ANKS6: variants seen among roughly 807,000 people sequenced by gnomAD.
ANKS6 encodes the protein ankyrin repeat and sterile alpha motif domain containing 6.
In ANKS6, 47 loss-of-function variants were observed where a neutral mutation model predicts 77.9. The ratio of observed to expected loss-of-function variants is 0.60; its 90% CI spans 0.48 to 0.77. ANKS6 has a LOEUF of 0.77. Among genes scored for constraint, ANKS6 ranks in the 30% least tolerant of loss-of-function variants. The pLI is 0.00. For missense variants in ANKS6, 1,150 were observed against 1,159.1 expected (o/e 0.99, Z 0.11); for synonymous variants, 488 against 501.7 (o/e 0.97, Z 0.37).
rs1330436258 is a variant in ANKS6 at position 98,734,419 on chromosome 9, G to T, written c.*2100C>A. On this transcript the variant is annotated 3_prime_UTR_variant, in exon 15 of 15. Coordinates refer to ENST00000353234, the MANE Select transcript of ANKS6 (RefSeq NM_173551.5). ...CCAGTATATTGTTATGAAAAAAACA[G>T]GACCACAGCAAAAAGCAGGCACAAA... is the stretch of plus-strand genomic sequence containing the variant. 2.0e-6 allele frequency: 2 copies of T among 985,302 alleles called. No individual in the cohort carries two copies. The highest frequency in any genetic ancestry group is 1.2e-6 in the Non-Finnish European group (1 of 829,974). 61.0% of individuals were successfully genotyped at this position (985,302 alleles called of 1,614,324 possible).
At chr9:98,782,883 G>A (rs1286660323) in intron 4 of ANKS6, among the ~76,000 whole-genome samples, 1 of 152,078 alleles carries the variant, frequency 6.6e-6, no homozygotes, top group Non-Finnish European at 1.5e-5. Context: ...AGGAATTTGA[G>A]ACCAGCCTGG....
At chr9:98,753,555 A>G (rs1832540062) in intron 12 of ANKS6, among the ~76,000 whole-genome samples, 1 of 151,818 alleles carries the variant, frequency 6.6e-6, no homozygotes, top group Non-Finnish European at 1.5e-5. Flanking sequence ...AGGGAGGTTG[A>G]GGCTGCAGTG....
intron 11 of ANKS6, among the ~76,000 whole-genome samples, chr9:98,758,793 G>A (rs527475109): frequency 6.6e-6 from 1 of 152,188 alleles, no homozygotes; most frequent in South Asian, 2.1e-4. Flanking sequence ...TGGTATATAT[G>A]TTAAGTGTAC....
At chr9:98,775,684 T>C (rs1833884950) in intron 8 of ANKS6, among the ~76,000 whole-genome samples, 1 of 152,180 alleles carries the variant, frequency 6.6e-6, no homozygotes, top group African/African-American at 2.4e-5. Flanking sequence ...TTACAAAAAA[T>C]ACTCAAAAGA....
intron 11 of ANKS6, 63 bp downstream of exon 11, chr9:98,768,018 A>T: frequency 7.2e-6 from 11 of 1,534,684 alleles, no homozygotes; most frequent in Non-Finnish European, 9.6e-6. Context: ...GCTTCCCGGC[A>T]AGTGGCCCAT....
At position 98,734,032 on chromosome 9, in the gene ANKS6, T is replaced by G; in HGVS notation, c.*2487A>C. ...GAAAAACAAGCACCCAACTGACCCC[T>G]CCTCCCTGACGATCTATAACCTACA... On this transcript the variant is annotated 3_prime_UTR_variant, in exon 15 of 15. Coordinates refer to ENST00000353234, the MANE Select transcript of ANKS6 (RefSeq NM_173551.5). The G allele has an allele frequency of 1.0e-6, 1 of 985,246 alleles. No individual in the cohort carries two copies. Among genetic ancestry groups the G allele is most frequent in the Non-Finnish European group, 1.2e-6 (1 of 829,940 alleles). 61.0% of individuals were successfully genotyped at this position (985,246 alleles called of 1,614,324 possible). A position where few individuals can be genotyped will look rare whatever the true frequency, so the allele number is the denominator to read the frequency against.
chr9:98,791,377 G>A lies in ANKS6; in HGVS notation c.360-771C>T, dbSNP rs1027053234. Among the ~76,000 whole-genome samples the A allele has an allele frequency of 4.6e-5, 7 of 152,170 alleles. No individual in the cohort carries two copies. Among genetic ancestry groups the A allele is most frequent in the African/African-American group, 1.7e-4 (7 of 41,444 alleles). ...GGAATGTTTGTTGCAGGCGGCTGAG[G>A]ACCCAGCCTAGGCCAGATCTTCCTC... On this transcript the variant is annotated intron_variant, in intron 1 of 14. Transcript: ENST00000353234. This position sits in a 1 kb window ranked among gnomAD's most constrained non-coding sequence, Gnocchi z 4.3.
At chr9:98,793,978 G>A (rs560706050) in intron 1 of ANKS6, among the ~76,000 whole-genome samples, 6 of 149,770 alleles carry the variant, frequency 4.0e-5, no homozygotes, top group South Asian at 4.2e-4. Context: ...AGTGAAACCC[G>A]GTCTCTACTA....
chr9:98,746,768 G>A (rs552483401), intron 13 of ANKS6, among the ~76,000 whole-genome samples: 2 of 152,210 alleles, frequency 1.3e-5, no homozygotes, highest in South Asian at 4.2e-4. Flanking sequence ...TTGTTAACAC[G>A]ACTTGACCTT....
intron 11 of ANKS6, among the ~76,000 whole-genome samples, chr9:98,764,309 T>C (rs546277671): frequency 1.8e-4 from 27 of 152,332 alleles, no homozygotes; most frequent in African/African-American, 6.0e-4. Flanking sequence ...TTAAACATAA[T>C]ATGGAGGGGT....
intron 9 of ANKS6, among the ~76,000 whole-genome samples, 173 bp from the exon 10 acceptor site, chr9:98,771,219 C>T (rs1171959141): frequency 5.3e-5 from 8 of 152,212 alleles, no homozygotes; most frequent in Non-Finnish European, 1.2e-4. Flanking sequence ...ATGGAGCTTG[C>T]TTCTATGTGC....
In ANKS6 at chr9:98,777,469, G is replaced by A. The variant is rs998574835; in HGVS notation, c.1568-15C>T. On this transcript the variant is annotated splice_polypyrimidine_tract_variant and intron_variant, in intron 7 of 14. Transcript: ENST00000353234. ...GCTCCCAGGACCTGAGAGACAAATGGAAATTTCCTGAAATGACCCCTCCAC... is the reference window on the plus strand; with the variant it reads ...GCTCCCAGGACCTGAGAGACAAATGAAAATTTCCTGAAATGACCCCTCCAC... The A allele has an allele frequency of 6.2e-7, 1 of 1,613,760 alleles. No individual in the cohort carries two copies. The highest frequency in any genetic ancestry group is 1.3e-5 in the African/African-American group (1 of 74,894).
intron 12 of ANKS6, 33 bp from the exon 13 acceptor site, chr9:98,751,129 C>T: frequency 1.3e-6 from 2 of 1,556,862 alleles, no homozygotes; most frequent in Non-Finnish European, 8.7e-7. Context: ...AAAAACAACA[C>T]ATTTTAGAAT....
chr9:98,768,349 TC>T, intron 10 of ANKS6, 99 bp from the exon 11 acceptor site: 1 of 1,410,930 alleles, frequency 7.1e-7, no homozygotes. Flanking sequence ...GGAGCCAGTC[TC>T]CCAGACTCCC....
intron 13 of ANKS6, among the ~76,000 whole-genome samples, chr9:98,749,274 C>T (rs1192832795): frequency 6.6e-6 from 1 of 152,236 alleles, no homozygotes; most frequent in African/African-American, 2.4e-5. Flanking sequence ...CAGAGAGGTC[C>T]TCAGCCAGTG....
Position 98,732,717 on chromosome 9 carries a change from A to AC in ANKS6, c.*3801_*3802insG. On this transcript the variant is annotated 3_prime_UTR_variant, in exon 15 of 15. Transcript: ENST00000353234. ...GGGGCTACTATCCCCCTGTAACCAA[A>AC]AGGGAAACTGGGACTCAAAGGGAAG... 7.0e-7 allele frequency: 1 copy of AC among 1,437,442 alleles called. No homozygotes were observed. The highest frequency in any genetic ancestry group is 9.1e-7 in the Non-Finnish European group (1 of 1,099,312). The allele number at this position is 1,437,442 out of a possible 1,614,324, so 89.0% of individuals were successfully genotyped here.
chr9:98,784,843 G>T lies in ANKS6; in HGVS notation c.896C>A (p.Ala299Glu). 6.2e-7 allele frequency: 1 copy of T among 1,613,166 alleles called. No individual in the cohort carries two copies. The highest frequency in any genetic ancestry group is 2.2e-5 in the East Asian group (1 of 44,876). Residue 299 changes from alanine to glutamate, a missense_variant, in exon 3 of 15, where the codon GCA becomes GAA. Physicochemically the swap from Ala to Glu is moderately radical, Grantham distance 107. Transcript: ENST00000353234. ...TCTAAAGCGCTTACCCATTTTCAAT[G>T]CATGGAAAATATCAGGTCGCCTTTT... is the stretch of plus-strand genomic sequence containing the variant. ...EEKRRPDIFHALKMGNFQLVK... is the reference protein window; with the variant it reads ...EEKRRPDIFHELKMGNFQLVK...
intron 11 of ANKS6, among the ~76,000 whole-genome samples, chr9:98,763,861 C>A (rs1000661348): frequency 1.3e-5 from 2 of 151,984 alleles, no homozygotes; most frequent in Admixed American, 1.3e-4. Context: ...TCCATAAATT[C>A]AACAACTTAG....
In ANKS6 at chr9:98,751,029, C is replaced by G; in HGVS notation, c.2394G>C (p.Glu798Asp). 1 of 1,606,472 alleles carries G rather than the reference C, an allele frequency of 6.2e-7. No homozygotes were observed. Among genetic ancestry groups the G allele is most frequent in the Admixed American group, 1.7e-5 (1 of 59,158 alleles). Residue 798 changes from glutamate (E) to aspartate (D), a missense_variant and splice_region_variant, in exon 13 of 15, where the codon GAG becomes GAC. By Grantham distance (45) the Glu-to-Asp change is conservative. Coordinates refer to ENST00000353234, the MANE Select transcript of ANKS6 (RefSeq NM_173551.5). ...EKYQPIFEEQ[E>D]VDMEAFLTLT... ...TGACATTCAAAAAGAGCATTCTTAC[C>G]TCTTGTTCCTCAAAAATGGGCTGAT...
Sources: allele counts gnomAD v4.1 joint callset (sites outside exome capture counted in the v4.1 genomes callset), GRCh38; gene constraint gnomAD v4.1.1; non-coding constraint Gnocchi (gnomAD v3.1); transcripts MANE v1.5; gene names NCBI Gene and HGNC (gene_info 2026-07-23, HGNC 2026-07-21).